NTRK3: variants seen among roughly 807,000 people sequenced by gnomAD.
NTRK3 encodes neurotrophic receptor tyrosine kinase 3.
Under a neutral mutation model 91.7 loss-of-function variants are expected in NTRK3, and 24 were observed. That is an observed-to-expected ratio of 0.26 (90% CI 0.19 to 0.37). The LOEUF (loss-of-function observed/expected upper bound fraction) is 0.37. NTRK3 is among the 10% of genes least tolerant of loss of function. The probability of loss-of-function intolerance (pLI) is 1.00; values close to 1 mark genes in which losing one functional copy is unlikely to be tolerated. For missense variants in NTRK3, 880 were observed against 1,068.9 expected (o/e 0.82, Z 2.46); for synonymous variants, 483 against 404.0 (o/e 1.20, Z -2.34).
At chr15:87,928,625 A>G (rs2068528185) in intron 17 of NTRK3, 1 of 167,024 alleles carries the variant, frequency 6.0e-6, no homozygotes, top group Non-Finnish European at 1.3e-5. Flanking sequence ...AACAGATAAC[A>G]TGCTTCCTTT....
chr15:88,255,988 G>C lies in NTRK3; in HGVS notation c.166C>G (p.Leu56Val), dbSNP rs201878520. The change falls in exon 3 of 19, where the codon CTC (leucine) becomes GTC (valine). Residue 56 changes from leucine (L) to valine (V), a missense_variant. Physicochemically the swap from Leu to Val is conservative, Grantham distance 32. Coordinates refer to ENST00000394480, the Ensembl canonical transcript of NTRK3. The surrounding 1 kb of genome is among the most constrained non-coding windows in gnomAD (Gnocchi z 4.3). ...TTCCCTGAATCCTGCCCTTCCAGGA[G>C]GGGGAAGAGGTTCCCATCGTCCGGC... The C allele has an allele frequency of 5.0e-6, 8 of 1,613,548 alleles. No homozygotes were observed. Among genetic ancestry groups the C allele is most frequent in the Non-Finnish European group, 6.8e-6 (8 of 1,179,804 alleles).
intron 14 of NTRK3, among the ~76,000 whole-genome samples, chr15:88,011,938 C>G (rs148828699): frequency 2.6e-5 from 4 of 152,162 alleles, no homozygotes; most frequent in Non-Finnish European, 5.9e-5. Context: ...AAATCCCTTA[C>G]GTACATTACC....
chr15:88,089,711 G>T (rs1336169251), intron 13 of NTRK3, among the ~76,000 whole-genome samples: 1 of 152,140 alleles, frequency 6.6e-6, no homozygotes. Context: ...CTTGAGCAGG[G>T]CACAACCTGT....
intron 13 of NTRK3, among the ~76,000 whole-genome samples, chr15:88,094,465 G>C (rs1190696972): frequency 3.6e-5 from 4 of 110,834 alleles, no homozygotes; most frequent in African/African-American, 1.4e-4. Context: ...GACAGAGCGA[G>C]ACTCCGTCTC....
chr15:87,944,533 G>C (rs901774623), intron 14 of NTRK3, among the ~76,000 whole-genome samples: 2 of 152,202 alleles, frequency 1.3e-5, no homozygotes, highest in Non-Finnish European at 2.9e-5. Flanking sequence ...GAGGTAAAAT[G>C]AGGCCAAAGA....
chr15:88,105,650 A>C (rs2050624615), intron 13 of NTRK3, among the ~76,000 whole-genome samples: 1 of 152,118 alleles, frequency 6.6e-6, no homozygotes, highest in Non-Finnish European at 1.5e-5. Flanking sequence ...ACAACTCCAT[A>C]AAGTATTATA....
At chr15:88,080,795 A>G (rs2047973749) in intron 13 of NTRK3, among the ~76,000 whole-genome samples, 1 of 152,252 alleles carries the variant, frequency 6.6e-6, no homozygotes. Context: ...AGCAGCAGGC[A>G]GGGGAAGCAA....
intron 13 of NTRK3, among the ~76,000 whole-genome samples, chr15:88,108,135 G>A (rs1263603483): frequency 6.6e-6 from 1 of 152,170 alleles, no homozygotes; most frequent in East Asian, 1.9e-4. Flanking sequence ...TGAAAGATAT[G>A]CCATTCTCTT....
intron 17 of NTRK3, among the ~76,000 whole-genome samples, chr15:87,920,020 A>G (rs185566988): frequency 4.6e-5 from 7 of 152,316 alleles, no homozygotes; most frequent in African/African-American, 1.4e-4. Flanking sequence ...GCAAAACCCC[A>G]AAGAGATCAT....
intron 14 of NTRK3, among the ~76,000 whole-genome samples, chr15:87,948,228 C>G (rs183226464): frequency 6.6e-6 from 1 of 152,348 alleles, no homozygotes; most frequent in African/African-American, 2.4e-5. Flanking sequence ...CTAAACTATT[C>G]AAACCACCAC....
chr15:88,226,936 T>G (rs1263395623), intron 3 of NTRK3, among the ~76,000 whole-genome samples: 2 of 152,244 alleles, frequency 1.3e-5, no homozygotes, highest in African/African-American at 4.8e-5. Flanking sequence ...TTAGAACATC[T>G]GACCTGAGCT....
Position 88,255,847 on chromosome 15 carries a change from G to A in NTRK3, c.248+59C>T, listed in dbSNP as rs922662198. On this transcript the variant is annotated intron_variant, in intron 3 of 18. Transcript: ENST00000394480. This position sits in a 1 kb window ranked among gnomAD's most constrained non-coding sequence, Gnocchi z 4.3. The stretch of plus-strand genomic sequence containing the variant: ...GAGGGCCGGCTCCCGGCCGCGGGTG[G>A]GCAGGAGGGAGACGCAGAGCGCGGG... 6.6e-7 allele frequency: 1 copy of A among 1,506,110 alleles called. No homozygotes were observed. The highest frequency in any genetic ancestry group is 1.4e-5 in the African/African-American group (1 of 70,842). The allele number at this position is 1,506,110 out of a possible 1,614,324, so 93.3% of individuals were successfully genotyped here.
chr15:88,128,467 T>C (rs2053512258), intron 11 of NTRK3, among the ~76,000 whole-genome samples: 1 of 152,012 alleles, frequency 6.6e-6, no homozygotes, highest in Admixed American at 6.6e-5. Flanking sequence ...ATCCACAACA[T>C]CATCAGACAT....
chr15:87,909,436 G>A (rs1355727417), intron 17 of NTRK3, among the ~76,000 whole-genome samples: 1 of 152,210 alleles, frequency 6.6e-6, no homozygotes, highest in Admixed American at 6.5e-5. Context: ...CTGGAGGAGA[G>A]GCAGATTCAT....
exon 2 of NTRK3, chr15:88,256,440 C>T: frequency 1.8e-6 from 1 of 544,028 alleles, no homozygotes; most frequent in East Asian, 3.2e-5. Flanking sequence ...CGCTGACTCG[C>T]CGGGTCCGGG....
intron 14 of NTRK3, among the ~76,000 whole-genome samples, chr15:87,966,260 A>G (rs748209721): frequency 1.3e-5 from 2 of 152,194 alleles, no homozygotes; most frequent in Admixed American, 1.3e-4. Flanking sequence ...AAGCACACAC[A>G]CATGTCTAAA....
At chr15:88,221,295 T>C (rs1030058436) in intron 3 of NTRK3, among the ~76,000 whole-genome samples, 1 of 152,236 alleles carries the variant, frequency 6.6e-6, no homozygotes, top group Non-Finnish European at 1.5e-5. Context: ...TGATGATGGA[T>C]GGACAACTTG....
intron 14 of NTRK3, among the ~76,000 whole-genome samples, chr15:88,024,272 C>T (rs1031334032): frequency 3.3e-5 from 5 of 152,162 alleles, no homozygotes; most frequent in Non-Finnish European, 7.3e-5. Flanking sequence ...TGTTCTTTGC[C>T]TTGTGGGCTG....
At chr15:88,228,277 A>T (rs2050857703) in intron 3 of NTRK3, among the ~76,000 whole-genome samples, 1 of 149,692 alleles carries the variant, frequency 6.7e-6, no homozygotes, top group African/African-American at 2.5e-5. Context: ...TCTCTCTCCC[A>T]CCCCCTCTTC....
Sources: allele counts gnomAD v4.1 joint callset (sites outside exome capture counted in the v4.1 genomes callset), GRCh38; gene constraint gnomAD v4.1.1; non-coding constraint Gnocchi (gnomAD v3.1); transcripts MANE v1.5; gene names NCBI Gene and HGNC (gene_info 2026-07-23, HGNC 2026-07-21).